Variants in ALPK2 observed in about 807,000 individuals in gnomAD.
ALPK2 encodes alpha kinase 2.
ALPK2 carries 127 observed loss-of-function variants against 163.1 expected under a neutral mutation model. That is an observed-to-expected ratio of 0.78 (90% CI 0.67 to 0.90). The LOEUF is 0.90. Among genes scored for constraint, ALPK2 ranks in the 40% least tolerant of loss-of-function variants. The probability of loss-of-function intolerance (pLI) is 0.00; values close to 1 mark genes in which losing one functional copy is unlikely to be tolerated. For synonymous variants in ALPK2, 953 were observed against 959.1 expected, an observed-to-expected ratio of 0.99 and a Z score of 0.12; for missense variants, 2,360 against 2,589.6, an observed-to-expected ratio of 0.91 and a Z score of 1.92.
intron 2 of ALPK2, among the ~76,000 whole-genome samples, chr18:58,608,446 A>G (rs1038487171): frequency 6.6e-6 from 1 of 152,226 alleles, no homozygotes; most frequent in Non-Finnish European, 1.5e-5. Flanking sequence ...GTTACAGAGC[A>G]GGAAGGTTTC....
chr18:58,620,267 G>C (rs1214759818), intron 1 of ALPK2, among the ~76,000 whole-genome samples: 11 of 152,202 alleles, frequency 7.2e-5, no homozygotes, highest in Admixed American at 7.2e-4. Context: ...CTCCAGCTTG[G>C]ACGACAGAGC....
chr18:58,498,195 C>T, intron 11 of ALPK2, 98 bp from the exon 12 acceptor site: 3 of 1,074,318 alleles, frequency 2.8e-6, no homozygotes, highest in Non-Finnish European at 4.3e-6. Flanking sequence ...GACAGCTCAT[C>T]CTCCTTCTCC....
At chr18:58,594,812 G>C (rs2052033005) in intron 3 of ALPK2, among the ~76,000 whole-genome samples, 1 of 152,084 alleles carries the variant, frequency 6.6e-6, no homozygotes, top group Admixed American at 6.5e-5. Context: ...TCAGAACCTG[G>C]CCGCTTCCTC....
chr18:58,543,572 C>T (rs2051702593), intron 4 of ALPK2, among the ~76,000 whole-genome samples: 1 of 152,222 alleles, frequency 6.6e-6, no homozygotes, highest in African/African-American at 2.4e-5. Flanking sequence ...AGGATGACCA[C>T]AGGCTCTCCA....
At chr18:58,598,222 G>C (rs140218494) in intron 3 of ALPK2, among the ~76,000 whole-genome samples, 135 of 152,376 alleles carry the variant, frequency 8.9e-4, no homozygotes, top group Middle Eastern at 3.4e-3. Context: ...AGTCCTGGAG[G>C]ATCCAGAGCG....
chr18:58,544,015 C>T (rs2051704756), intron 4 of ALPK2, among the ~76,000 whole-genome samples: 1 of 152,198 alleles, frequency 6.6e-6, no homozygotes, highest in African/African-American at 2.4e-5. Flanking sequence ...ACATGGCCAT[C>T]TCTCAATTTC....
chr18:58,537,731 A>G lies in ALPK2; in HGVS notation c.2456T>C (p.Ile819Thr), dbSNP rs754592749. Residue 819 changes from isoleucine to threonine, a missense_variant, in exon 5 of 13, where the codon ATA becomes ACA. Coordinates refer to ENST00000361673, the MANE Select transcript of ALPK2 (RefSeq NM_052947.4). ...AACTGGTCTCCCAACAAGAGAATCTATGGTATCAAAACACGTTCCTTGGTC... is the reference window on the plus strand; with the variant it reads ...AACTGGTCTCCCAACAAGAGAATCTGTGGTATCAAAACACGTTCCTTGGTC... The part of the protein sequence containing the change: ...AGDQGTCFDT[I>T]DSLVGRPVDK... The G allele has an allele frequency of 2.5e-6, 4 of 1,614,158 alleles. No homozygotes were observed. Among genetic ancestry groups the G allele is most frequent in the Non-Finnish European group, 3.4e-6 (4 of 1,180,002 alleles).
intron 3 of ALPK2, among the ~76,000 whole-genome samples, chr18:58,583,593 C>T (rs1162895268): frequency 6.6e-6 from 1 of 151,992 alleles, no homozygotes; most frequent in African/African-American, 2.4e-5. Flanking sequence ...GTGGGAGAAT[C>T]AGTTGAGCCT....
chr18:58,614,176 C>G (rs909395848), intron 1 of ALPK2, among the ~76,000 whole-genome samples: 2 of 152,100 alleles, frequency 1.3e-5, no homozygotes, highest in Non-Finnish European at 2.9e-5. Flanking sequence ...GACATGGTGG[C>G]ACTGAAAAGA....
At position 58,579,832 on chromosome 18, in the gene ALPK2, G is replaced by A. The variant is rs2051946967; in HGVS notation, c.944C>T (p.Thr315Ile). The change falls in exon 4 of 13, where the codon ACC (threonine) becomes ATC (isoleucine). Residue 315 changes from threonine to isoleucine, a missense_variant. Thr to Ile is a moderately conservative substitution (Grantham distance 89). Coordinates refer to ENST00000361673, the MANE Select transcript of ALPK2 (RefSeq NM_052947.4). Reference sequence around the variant, plus strand: ...TGAAAACTCCTCGGTGTAGGTTAGGGTTATCTCTGGGCAAAGTTCATAGTC... The same window carrying A: ...TGAAAACTCCTCGGTGTAGGTTAGGATTATCTCTGGGCAAAGTTCATAGTC... ...DSDYELCPEI[T>I]LTYTEEFSDD... 1 of 1,613,962 alleles carries A rather than the reference G, an allele frequency of 6.2e-7. No homozygotes were observed. The highest frequency in any genetic ancestry group is 8.5e-7 in the Non-Finnish European group (1 of 1,179,994).
chr18:58,531,778 A>T (rs1381020951), intron 5 of ALPK2, among the ~76,000 whole-genome samples: 1 of 151,458 alleles, frequency 6.6e-6, no homozygotes, highest in African/African-American at 2.4e-5. Context: ...TCTCTACTAA[A>T]TATACAAAAA....
intron 4 of ALPK2, among the ~76,000 whole-genome samples, chr18:58,561,525 G>A (rs111573539): frequency 6.4e-4 from 98 of 152,288 alleles, no homozygotes; most frequent in African/African-American, 2.3e-3. Flanking sequence ...AGTTTATTCA[G>A]GAGATGATCC....
intron 4 of ALPK2, chr18:58,577,846 T>C (rs1188716466): frequency 6.6e-6 from 1 of 152,232 alleles, no homozygotes; most frequent in Non-Finnish European, 1.5e-5. Flanking sequence ...TATTTTATCT[T>C]TGGAGTGTAT....
intron 4 of ALPK2, chr18:58,578,508 T>G: frequency 4.5e-6 from 1 of 223,282 alleles, no homozygotes; most frequent in Non-Finnish European, 8.7e-6. Flanking sequence ...AGACAAAATA[T>G]CAGATTTCTT....
At position 58,579,728 on chromosome 18, in the gene ALPK2, C is replaced by T. The variant is rs1450846275; in HGVS notation, c.1048G>A (p.Gly350Arg). The stretch of plus-strand genomic sequence containing the variant: ...TCTAATAAAAAAACATGCTCAGTCC[C>T]CAGCAGGTTCCTTTGCCAAACTGCA... ...SNAVWQRNLL[G>R]TEHVFLLESD... The change falls in exon 4 of 13, where the codon GGG becomes AGG. Residue 350 changes from glycine (G) to arginine (R), a missense_variant. Physicochemically the swap from Gly to Arg is moderately radical, Grantham distance 125. Coordinates refer to ENST00000361673, the MANE Select transcript of ALPK2 (RefSeq NM_052947.4). 1.2e-6 allele frequency: 2 copies of T among 1,614,194 alleles called. No individual in the cohort carries two copies. Among genetic ancestry groups the T allele is most frequent in the Non-Finnish European group, 1.7e-6 (2 of 1,180,028 alleles).
chr18:58,515,125 A>T, intron 9 of ALPK2, 44 bp from the exon 10 acceptor site: 2 of 1,465,084 alleles, frequency 1.4e-6, no homozygotes, highest in South Asian at 2.3e-5. Flanking sequence ...ACTACAGGAA[A>T]TTCAGACAGT....
chr18:58,564,123 C>CTTTTTTTTTTT (rs10689097), intron 4 of ALPK2, among the ~76,000 whole-genome samples: 1,363 of 102,316 alleles, frequency 0.013, 171 homozygotes, highest in South Asian at 0.055. Context: ...TGTCTTTGTT[C>CTTTTTTTTTTT]TTTTTTTTTT....
intron 1 of ALPK2, among the ~76,000 whole-genome samples, chr18:58,618,267 G>A (rs1223149146): frequency 6.6e-5 from 10 of 152,036 alleles, no homozygotes; most frequent in African/African-American, 2.4e-4. Flanking sequence ...GGCTGGTCTC[G>A]AACTCCTGAC....
chr18:58,550,362 T>A (rs937057983), intron 4 of ALPK2, among the ~76,000 whole-genome samples: 4 of 151,246 alleles, frequency 2.6e-5, no homozygotes, highest in Admixed American at 6.6e-5. Context: ...CATCTCTGTC[T>A]CTATCACATA....
Sources: allele counts gnomAD v4.1 joint callset (sites outside exome capture counted in the v4.1 genomes callset), GRCh38; gene constraint gnomAD v4.1.1; transcripts MANE v1.5; gene names NCBI Gene and HGNC (gene_info 2026-07-23, HGNC 2026-07-21).